The following CAMTA1 variants were observed in gnomAD, a reference collection of about 807,000 sequenced individuals.
CAMTA1 encodes the protein calmodulin binding transcription activator 1.
CAMTA1 carries 27 observed loss-of-function variants against 170.9 expected under a neutral mutation model. The ratio of observed to expected loss-of-function variants is 0.16; its 90% confidence interval spans 0.12 to 0.22. The LOEUF is 0.22. CAMTA1 is among the 10% of genes least tolerant of loss of function. CAMTA1 has a pLI of 1.00. For missense variants in CAMTA1, 1,619 were observed against 2,217.2 expected, an observed-to-expected ratio of 0.73 and a Z score of 5.42; for synonymous variants, 833 against 891.5, an observed-to-expected ratio of 0.93 and a Z score of 1.17.
At chr1:6,866,597 A>G (rs548741225) in intron 3 of CAMTA1, among the ~76,000 whole-genome samples, 1 of 152,304 alleles carries the variant, frequency 6.6e-6, no homozygotes, top group South Asian at 2.1e-4. Context: ...GAGTGGGTCT[A>G]GACTATGATA....
At chr1:7,499,011 T>C (rs2093907043) in intron 6 of CAMTA1, among the ~76,000 whole-genome samples, 2 of 98,286 alleles carry the variant, frequency 2.0e-5, no homozygotes, top group African/African-American at 5.3e-5. Context: ...TGTGTGTGCA[T>C]GTGTGTCCAT....
chr1:6,917,233 G>C (rs1423777377), intron 3 of CAMTA1, among the ~76,000 whole-genome samples: 1 of 152,148 alleles, frequency 6.6e-6, no homozygotes, highest in Non-Finnish European at 1.5e-5. Flanking sequence ...AGGGTTTGCA[G>C]TGTGGGGAAT....
intron 5 of CAMTA1, among the ~76,000 whole-genome samples, chr1:7,377,782 ATAG>A (rs2086957536): frequency 6.6e-6 from 1 of 152,062 alleles, no homozygotes; most frequent in Non-Finnish European, 1.5e-5. Context: ...TAGCCGAGTG[ATAG>A]TGGTGTGCAC....
chr1:6,787,102 G>C (rs1218882157), intron 1 of CAMTA1, among the ~76,000 whole-genome samples: 1 of 152,230 alleles, frequency 6.6e-6, no homozygotes, highest in South Asian at 2.1e-4. Context: ...TTTTTTGAGA[G>C]AACTCATATC....
intron 22 of CAMTA1, among the ~76,000 whole-genome samples, chr1:7,761,453 T>C (rs2096975269): frequency 6.6e-6 from 1 of 152,112 alleles, no homozygotes; most frequent in African/African-American, 2.4e-5. Context: ...AGCCTGGACA[T>C]TTTTAGATTC....
chr1:6,978,662 A>T (rs114067520), intron 3 of CAMTA1, among the ~76,000 whole-genome samples: 19 of 149,214 alleles, frequency 1.3e-4, no homozygotes, highest in Admixed American at 1.2e-3. Flanking sequence ...AGTTAATATT[A>T]TATTTTTATA....
chr1:6,938,996 G>A (rs1685946180), intron 3 of CAMTA1, among the ~76,000 whole-genome samples: 1 of 152,204 alleles, frequency 6.6e-6, no homozygotes, highest in African/African-American at 2.4e-5. Context: ...GCAGATATTT[G>A]TCATGCGTCC....
At chr1:7,104,237 T>C (rs1643322772) in intron 4 of CAMTA1, among the ~76,000 whole-genome samples, 1 of 137,320 alleles carries the variant, frequency 7.3e-6, no homozygotes. Context: ...ACTACACACG[T>C]GTACACACAA....
intron 3 of CAMTA1, among the ~76,000 whole-genome samples, chr1:6,843,118 C>T (rs565611291): frequency 6.6e-6 from 1 of 152,302 alleles, no homozygotes; most frequent in South Asian, 2.1e-4. Context: ...ACAGTTTGTT[C>T]ATTTCTGTTT....
At chr1:7,252,840 C>T (rs180678593) in intron 5 of CAMTA1, among the ~76,000 whole-genome samples, 2 of 152,290 alleles carry the variant, frequency 1.3e-5, no homozygotes, top group Admixed American at 6.5e-5. Flanking sequence ...TAAGCCTTCC[C>T]TCAGGCCAGG....
At position 7,682,045 on chromosome 1, in the gene CAMTA1, C is replaced by A. The variant is rs2096211597; in HGVS notation, c.2914+4312C>A. ...CCACTAAGCCGCTTAGACTTAGACT[C>A]TATTTTCAGTGCTTCTCAGGCAACT... On this transcript the variant is annotated intron_variant, in intron 11 of 22. Coordinates refer to ENST00000303635, the MANE Select transcript of CAMTA1 (RefSeq NM_015215.4). This position sits in a 1 kb window ranked among gnomAD's most constrained non-coding sequence, Gnocchi z 5.0. 6.6e-6 allele frequency among the ~76,000 whole-genome samples: 1 copy of A among 151,852 alleles called. No individual in the cohort carries two copies. The highest frequency in any genetic ancestry group is 1.5e-5 in the Non-Finnish European group (1 of 67,964).
chr1:7,336,319 C>G (rs140508830), intron 5 of CAMTA1, among the ~76,000 whole-genome samples: 1 of 152,252 alleles, frequency 6.6e-6, no homozygotes, highest in Non-Finnish European at 1.5e-5. Context: ...TGGGCCATCT[C>G]TGCAGCCCAG....
intron 5 of CAMTA1, among the ~76,000 whole-genome samples, chr1:7,433,031 GC>G (rs1466336245): frequency 2.6e-5 from 4 of 152,328 alleles, no homozygotes; most frequent in South Asian, 2.1e-4. Context: ...GAAGCAGGCA[GC>G]CTCCCTCTGA....
intron 5 of CAMTA1, among the ~76,000 whole-genome samples, chr1:7,347,014 G>A (rs1444031081): frequency 1.3e-5 from 2 of 152,212 alleles, no homozygotes; most frequent in Admixed American, 1.3e-4. Context: ...ATATGCCTCA[G>A]CCGTTTGGGG....
chr1:7,490,129 G>A (rs56096003), intron 6 of CAMTA1, among the ~76,000 whole-genome samples: 4,424 of 152,276 alleles, frequency 0.029, 110 homozygotes, highest in African/African-American at 0.066. Flanking sequence ...TGCAGAGTAC[G>A]ATAGGAGCAA....
chr1:7,051,284 G>A (rs1308283804), intron 3 of CAMTA1, among the ~76,000 whole-genome samples: 1 of 152,162 alleles, frequency 6.6e-6, no homozygotes, highest in Admixed American at 6.5e-5. Context: ...AGATGGCCAC[G>A]TGCAGAGGCA....
At chr1:7,746,349 G>A (rs1219163181) in intron 18 of CAMTA1, among the ~76,000 whole-genome samples, 1 of 152,092 alleles carries the variant, frequency 6.6e-6, no homozygotes, top group Non-Finnish European at 1.5e-5. Flanking sequence ...GTGCAGTGTG[G>A]GGGCATTAAG....
In CAMTA1 at chr1:7,703,087, G is replaced by A. The variant is rs968981152; in HGVS notation, c.2914+25354G>A. 2.6e-5 allele frequency among the ~76,000 whole-genome samples: 4 copies of A among 152,156 alleles called. No homozygotes were observed. In the South Asian group the frequency reaches 6.2e-4, roughly 24 times the overall value. ...ATGACTACCCTTTCATTGCCGCCCT[G>A]GAAAACAAACAGAACTCACTCACTG... On this transcript the variant is annotated intron_variant, in intron 11 of 22. Transcript: ENST00000303635.
rs907350792 is a variant in CAMTA1 at position 7,736,068 on chromosome 1, C to G, written c.3067-276C>G. Among the ~76,000 whole-genome samples the G allele has an allele frequency of 6.6e-6, 1 of 152,064 alleles. No homozygotes were observed. The highest frequency in any genetic ancestry group is 1.5e-5 in the Non-Finnish European group (1 of 68,006). On this transcript the variant is annotated intron_variant, in intron 12 of 22. Transcript: ENST00000303635. The surrounding 1 kb of genome is among the most constrained non-coding windows in gnomAD (Gnocchi z 4.5). ...GGGATTTCAGGCATGAGCCACTGTGCGCAGCCTAAATTTTGTACTTTTTGT... is the reference window on the plus strand; with the variant it reads ...GGGATTTCAGGCATGAGCCACTGTGGGCAGCCTAAATTTTGTACTTTTTGT...
Sources: allele counts gnomAD v4.1 joint callset (sites outside exome capture counted in the v4.1 genomes callset), GRCh38; gene constraint gnomAD v4.1.1; non-coding constraint Gnocchi (gnomAD v3.1); transcripts MANE v1.5; gene names NCBI Gene and HGNC (gene_info 2026-07-23, HGNC 2026-07-21).